The following CSMD1 variants were observed in gnomAD, a reference collection of about 807,000 sequenced individuals.
CSMD1 encodes CUB and sushi domain-containing protein 1.
CSMD1 carries 213 observed loss-of-function variants against 417.5 expected under a neutral mutation model. The observed-to-expected ratio is 0.51, with a 90% confidence interval of 0.46 to 0.57. The LOEUF is 0.57. Ranked by LOEUF, CSMD1 falls within the 20% of genes least tolerant of loss-of-function variation. CSMD1 has a pLI of 0.00. For synonymous variants in CSMD1, 2,862 were observed against 1,736.8 expected (o/e 1.65, Z -16.11); for missense variants, 6,923 against 4,529.7 (o/e 1.53, Z -15.17).
At chr8:4,375,292 G>A (rs985855771) in intron 3 of CSMD1, among the ~76,000 whole-genome samples, 6 of 152,100 alleles carry the variant, frequency 3.9e-5, no homozygotes, top group Middle Eastern at 3.2e-3. Context: ...ACACAAAAAA[G>A]TGTCATATCT....
chr8:3,494,898 G>A (rs1199294426), intron 10 of CSMD1, among the ~76,000 whole-genome samples: 1 of 152,116 alleles, frequency 6.6e-6, no homozygotes, highest in Non-Finnish European at 1.5e-5. Context: ...AGAGTAAGTG[G>A]TAGCATAGAG....
intron 23 of CSMD1, among the ~76,000 whole-genome samples, chr8:3,315,075 T>C (rs891311877): frequency 6.6e-6 from 1 of 152,228 alleles, no homozygotes; most frequent in Non-Finnish European, 1.5e-5. Flanking sequence ...AAAAACATAC[T>C]ATCTATCTGT....
rs1161117794 is a variant in CSMD1 at position 4,008,600 on chromosome 8, C to CTT, written c.611-10492_611-10491dup. ...GATTCAGTATTTTCTTTCTTTTTTTCTTTTTTTTTTTTTTTTTTTTTTTTT... is the reference window on the plus strand; with the variant it reads ...GATTCAGTATTTTCTTTCTTTTTTTCTTTTTTTTTTTTTTTTTTTTTTTTTTT... On this transcript the variant is annotated intron_variant, in intron 4 of 69. Transcript: ENST00000635120. Among the ~76,000 whole-genome samples, 180 of 80,452 alleles carry CTT rather than the reference C, an allele frequency of 2.2e-3. 6 individuals carry two copies. The highest frequency in any genetic ancestry group is 6.9e-3 in the African/African-American group (131 of 18,938). The allele number at this position is 80,452 out of a possible 152,430, so 52.8% of individuals were successfully genotyped here. A position where few individuals can be genotyped will look rare whatever the true frequency, so the allele number is the denominator to read the frequency against.
chr8:4,185,713 G>C, intron 3 of CSMD1, among the ~76,000 whole-genome samples: 1 of 152,172 alleles, frequency 6.6e-6, no homozygotes, highest in East Asian at 1.9e-4. Flanking sequence ...ACTGAAATAT[G>C]TTCGTCAGAT....
intron 1 of CSMD1, among the ~76,000 whole-genome samples, chr8:4,653,906 T>C (rs1309518342): frequency 6.6e-6 from 1 of 151,764 alleles, no homozygotes; most frequent in Non-Finnish European, 1.5e-5. Context: ...GTAGTCTCAG[T>C]AGTCATTTTT....
At chr8:4,008,164 A>G (rs1472922794) in intron 4 of CSMD1, among the ~76,000 whole-genome samples, 1 of 152,218 alleles carries the variant, frequency 6.6e-6, no homozygotes, top group Non-Finnish European at 1.5e-5. Context: ...AAAACATTTT[A>G]AAAGGACAAA....
intron 5 of CSMD1, among the ~76,000 whole-genome samples, chr8:3,872,776 C>G (rs577125475): frequency 2.0e-5 from 3 of 151,854 alleles, no homozygotes; most frequent in African/African-American, 7.2e-5. Flanking sequence ...AACTACCCAT[C>G]CGACAAAGAT....
At chr8:4,398,007 G>T (rs900947576) in intron 3 of CSMD1, among the ~76,000 whole-genome samples, 1 of 152,114 alleles carries the variant, frequency 6.6e-6, no homozygotes, top group Non-Finnish European at 1.5e-5. Flanking sequence ...CCTTTGTCTA[G>T]GTCATACATA....
intron 3 of CSMD1, among the ~76,000 whole-genome samples, chr8:4,294,361 G>A (rs371473399): frequency 5.3e-5 from 8 of 152,262 alleles, no homozygotes; most frequent in African/African-American, 1.7e-4. Flanking sequence ...TCTAGAGACA[G>A]TATTCCAGAG....
chr8:3,844,126 T>A (rs191412909), intron 5 of CSMD1, among the ~76,000 whole-genome samples: 3 of 152,188 alleles, frequency 2.0e-5, no homozygotes, highest in Non-Finnish European at 4.4e-5. Flanking sequence ...TACATAAGAA[T>A]AGTACTTTAA....
At chr8:3,586,679 T>A (rs1800615683) in intron 8 of CSMD1, among the ~76,000 whole-genome samples, 1 of 152,216 alleles carries the variant, frequency 6.6e-6, no homozygotes, top group African/African-American at 2.4e-5. Context: ...AAGTCTAGGT[T>A]AAGAAAATAT....
intron 3 of CSMD1, among the ~76,000 whole-genome samples, chr8:4,371,970 C>T (rs905109336): frequency 2.0e-5 from 3 of 152,092 alleles, no homozygotes; most frequent in African/African-American, 4.8e-5. Context: ...AACTCATTGC[C>T]GTGATGGAAA....
chr8:4,363,007 G>C (rs985575325), intron 3 of CSMD1, among the ~76,000 whole-genome samples: 22 of 152,242 alleles, frequency 1.4e-4, no homozygotes, highest in Non-Finnish European at 2.2e-4. Flanking sequence ...TCTTTGAATA[G>C]ATTTTGAATT....
At chr8:4,206,218 A>C (rs891639779) in intron 3 of CSMD1, among the ~76,000 whole-genome samples, 9 of 152,156 alleles carry the variant, frequency 5.9e-5, no homozygotes, top group African/African-American at 2.2e-4. Flanking sequence ...TAAATACTTT[A>C]AGTTCTAGAG....
chr8:4,079,061 A>C (rs1183973815), intron 3 of CSMD1, among the ~76,000 whole-genome samples: 1 of 151,706 alleles, frequency 6.6e-6, no homozygotes, highest in Non-Finnish European at 1.5e-5. Flanking sequence ...AGTGGTCCCG[A>C]ATGGAACTTA....
chr8:3,719,775 T>C (rs928261568), intron 6 of CSMD1, among the ~76,000 whole-genome samples: 7 of 152,128 alleles, frequency 4.6e-5, no homozygotes, highest in African/African-American at 1.7e-4. Context: ...GTGGAAGGCA[T>C]TTCCAGTTCT....
At chr8:3,285,972 A>G (rs941791614) in intron 25 of CSMD1, among the ~76,000 whole-genome samples, 2 of 151,998 alleles carry the variant, frequency 1.3e-5, no homozygotes, top group Admixed American at 6.6e-5. Flanking sequence ...TCCTAATGCT[A>G]TCCCTCCCCA....
chr8:3,751,322 G>GTA lies in CSMD1; in HGVS notation c.931+2607_931+2608insTA, dbSNP rs1310094403. On this transcript the variant is annotated intron_variant, in intron 6 of 69. Transcript: ENST00000635120. ...GAAGTGTGTGTGTGTGTGTGTGTGT[G>GTA]TGTGTATATATATATATATACACGA... Among the ~76,000 whole-genome samples, 184 of 145,944 alleles carry GTA rather than the reference G, an allele frequency of 1.3e-3. 6 individuals carry two copies. In the East Asian group the frequency reaches 0.031, roughly 25 times the overall value.
At chr8:3,364,074 G>C (rs1269754476) in intron 20 of CSMD1, among the ~76,000 whole-genome samples, 1 of 152,096 alleles carries the variant, frequency 6.6e-6, no homozygotes. Context: ...AAAAGCATAT[G>C]AATACCATTT....
Sources: gnomAD v4.1 joint callset for allele counts (sites outside exome capture counted in the v4.1 genomes callset) on GRCh38, gnomAD v4.1.1 for gene constraint, MANE v1.5 for transcripts, NCBI Gene and HGNC (gene_info 2026-07-23, HGNC 2026-07-21) for gene names.